Variants in ANK2 observed in about 807,000 individuals in gnomAD.
ANK2 encodes the protein ankyrin-2.
ANK2 carries 83 observed loss-of-function variants against 360.5 expected under a neutral mutation model. That is an observed-to-expected ratio of 0.23 (90% CI 0.19 to 0.28). The LOEUF (loss-of-function observed/expected upper bound fraction) is 0.28, where lower values mean the gene tolerates loss of function less well. Ranked by LOEUF, ANK2 falls within the 10% of genes least tolerant of loss-of-function variation. The pLI, the probability that ANK2 is intolerant of heterozygous loss-of-function variation, is 1.00. For synonymous variants in ANK2, 1,740 were observed against 1,759.5 expected, an observed-to-expected ratio of 0.99 and a Z score of 0.28; for missense variants, 4,201 against 4,795.7, an observed-to-expected ratio of 0.88 and a Z score of 3.66.
At chr4:113,145,714 G>C (rs2096802623) in intron 1 of ANK2, 17 of 1,142,850 alleles carry the variant, frequency 1.5e-5, no homozygotes, top group Non-Finnish European at 1.7e-5. Context: ...CCAGCTAGCA[G>C]ATGGGGAGAA....
At chr4:113,367,493 T>C (rs537804080) in intron 41 of ANK2, 73 bp from the exon 42 acceptor site, 35 of 1,383,750 alleles carry the variant, frequency 2.5e-5, no homozygotes, top group Non-Finnish European at 3.6e-5. Flanking sequence ...TATCCTCTTA[T>C]ATTTATTACT....
chr4:112,982,212 T>A (rs1176544215), intron 2 of ANK2, among the ~76,000 whole-genome samples: 1 of 152,186 alleles, frequency 6.6e-6, no homozygotes, highest in Non-Finnish European at 1.5e-5. Flanking sequence ...AAATCTTATT[T>A]TATTTTACTT....
chr4:113,323,851 G>T lies in ANK2; in HGVS notation c.2900+5231G>T, dbSNP rs548844067. On this transcript the variant is annotated intron_variant, in intron 26 of 45. Transcript: ENST00000357077. Reference sequence around the variant, plus strand: ...TGTTGCCTATTCCTCTCCCCCTTTCGCCATCTCCTTCTGCATATTCCTTGC... The same window carrying T: ...TGTTGCCTATTCCTCTCCCCCTTTCTCCATCTCCTTCTGCATATTCCTTGC... The T allele has an allele frequency of 2.6e-6, 4 of 1,523,596 alleles. No homozygotes were observed. In the South Asian group the frequency reaches 3.6e-5, roughly 14 times the overall value. The allele number at this position is 1,523,596 out of a possible 1,614,324, so 94.4% of individuals were successfully genotyped here. A position where few individuals can be genotyped will look rare whatever the true frequency, so the allele number is the denominator to read the frequency against.
At position 113,373,374 on chromosome 4, in the gene ANK2, C is replaced by A; in HGVS notation, c.11784C>A (p.Val3928=). ...IMVQGMPQEP[V]NIEEGDGYSK... is the part of the protein sequence containing the mutation. ...TGCAGGGAATGCCACAGGAACCTGTCAACATCGAGGAAGGGGATGGCTATT... is the reference window on the plus strand; with the variant it reads ...TGCAGGGAATGCCACAGGAACCTGTAAACATCGAGGAAGGGGATGGCTATT... The change falls in exon 45 of 46, where the codon GTC becomes GTA. Residue 3928 remains valine (V), a synonymous_variant. Coordinates refer to ENST00000357077, the MANE Select transcript of ANK2 (RefSeq NM_001148.6). 1 of 1,614,160 alleles carries A rather than the reference C, an allele frequency of 6.2e-7. No homozygotes were observed. The highest frequency in any genetic ancestry group is 8.5e-7 in the Non-Finnish European group (1 of 1,180,010).
chr4:113,339,978 C>T (rs1044373609), intron 32 of ANK2, among the ~76,000 whole-genome samples: 8 of 152,156 alleles, frequency 5.3e-5, no homozygotes, highest in South Asian at 2.1e-4. Context: ...GTAATTAAAA[C>T]GTACATTTCT....
Position 112,829,491 on chromosome 4 carries a change from C to CAAAAAAAAAAAAAAAAAAAAAAAAAA in ANK2, c.-40+11246_-40+11247insAAAAAAAAAAAAAAAAAAAAAAAAAA, listed in dbSNP as rs60272903. Reference sequence around the variant, plus strand: ...GCAACATAGTATGAGCCCATCTCTACAAAAAAAAAAAAAAAAAAAGGAAGG... The same window carrying CAAAAAAAAAAAAAAAAAAAAAAAAAA: ...GCAACATAGTATGAGCCCATCTCTACAAAAAAAAAAAAAAAAAAAAAAAAAAAAAAAAAAAAAAAAAAAAAGGAAGG... On this transcript the variant is annotated intron_variant, in intron 1 of 30. Coordinates refer to the ANK2 transcript ENST00000503271. Among the ~76,000 whole-genome samples the CAAAAAAAAAAAAAAAAAAAAAAAAAA allele has an allele frequency of 1.6e-3, 95 of 60,702 alleles. 6 individuals carry two copies. The highest frequency in any genetic ancestry group is 2.6e-3 in the East Asian group (8 of 3,064). The allele number at this position is 60,702 out of a possible 152,430, so 39.8% of individuals were successfully genotyped here. A position where few individuals can be genotyped will look rare whatever the true frequency, so the allele number is the denominator to read the frequency against.
the ANK2 span, among the ~76,000 whole-genome samples, chr4:112,756,753 C>G: frequency 6.6e-6 from 1 of 151,982 alleles, no homozygotes; most frequent in Non-Finnish European, 1.5e-5. Context: ...CGGGTGGATC[C>G]CCTGAGGTCA....
chr4:112,906,201 G>A (rs1219938376), intron 2 of ANK2, among the ~76,000 whole-genome samples: 1 of 152,088 alleles, frequency 6.6e-6, no homozygotes, highest in Non-Finnish European at 1.5e-5. Flanking sequence ...TTGGTAGGGA[G>A]TGTCAAATGT....
Position 113,381,527 on chromosome 4 carries a change from T to C in ANK2, c.*56T>C. ...GGACCAGCATGGAAAACGCATTGAC[T>C]TGGAGCACCTGGAGGATGTACCAGA... On this transcript the variant is annotated 3_prime_UTR_variant, in exon 46 of 46. Coordinates refer to ENST00000357077, the MANE Select transcript of ANK2 (RefSeq NM_001148.6). The C allele has an allele frequency of 6.2e-7, 1 of 1,613,796 alleles. No homozygotes were observed. The highest frequency in any genetic ancestry group is 8.5e-7 in the Non-Finnish European group (1 of 1,179,860).
chr4:113,220,549 A>G (rs2099138860), intron 4 of ANK2, among the ~76,000 whole-genome samples: 3 of 152,190 alleles, frequency 2.0e-5, no homozygotes. Context: ...GATTTTTAAA[A>G]TATTCATTTG....
rs189325771 is a variant in ANK2 at position 112,866,407 on chromosome 4, G to A, written c.-39-38048G>A. On this transcript the variant is annotated intron_variant, in intron 1 of 30. Coordinates refer to the ANK2 transcript ENST00000503271. ...TATAATGACAATAAAGTGAGTGAGT[G>A]ACTAAACCCACACTATGTAATAAAA... Among the ~76,000 whole-genome samples, 203 of 152,266 alleles carry A rather than the reference G, an allele frequency of 1.3e-3. 1 individual carries two copies. The highest frequency in any genetic ancestry group is 1.6e-3 in the Non-Finnish European group (106 of 67,998).
intron 15 of ANK2, among the ~76,000 whole-genome samples, chr4:113,275,661 T>C (rs946524068): frequency 6.6e-6 from 1 of 151,578 alleles, no homozygotes; most frequent in African/African-American, 2.4e-5. Context: ...ATATAAGAAA[T>C]TGACAATTAT....
At chr4:112,828,075 A>C (rs1379443362) in intron 1 of ANK2, among the ~76,000 whole-genome samples, 1 of 152,068 alleles carries the variant, frequency 6.6e-6, no homozygotes, top group Non-Finnish European at 1.5e-5. Context: ...ACCTACAACC[A>C]TCTGATCTTC....
At position 113,355,076 on chromosome 4, in the gene ANK2, T is replaced by C; in HGVS notation, c.6458T>C (p.Phe2153Ser). Reference sequence around the variant, plus strand: ...GAAGACAATGACAAATACCAACAATTCCGCCTGAGTGAGGAGACAGAAAAG... The same window carrying C: ...GAAGACAATGACAAATACCAACAATCCCGCCTGAGTGAGGAGACAGAAAAG... The part of the protein sequence containing the change: ...ELEDNDKYQQ[F>S]RLSEETEKAQ... Residue 2153 changes from phenylalanine (F) to serine (S), a missense_variant, in exon 38 of 46, where the codon TTC becomes TCC. This residue lies in a region of ANK2 where 2,642 missense variants were observed against 2,714.5 expected (regional missense o/e 0.97). Coordinates refer to ENST00000357077, the MANE Select transcript of ANK2 (RefSeq NM_001148.6). 5 of 1,614,044 alleles carry C rather than the reference T, an allele frequency of 3.1e-6. No individual in the cohort carries two copies. The highest frequency in any genetic ancestry group is 2.5e-6 in the Non-Finnish European group (3 of 1,179,976).
chr4:113,330,180 T>C, intron 26 of ANK2, 66 bp from the exon 27 acceptor site: 1 of 1,474,722 alleles, frequency 6.8e-7, no homozygotes, highest in Admixed American at 1.9e-5. Flanking sequence ...AAAAACAACT[T>C]GACAAAGCTT....
chr4:113,079,177 T>G (rs148972669), intron 1 of ANK2, among the ~76,000 whole-genome samples: 100 of 152,342 alleles, frequency 6.6e-4, no homozygotes, highest in African/African-American at 2.4e-3. Flanking sequence ...GTTTGTACCT[T>G]TTCAGTATAG....
intron 1 of ANK2, among the ~76,000 whole-genome samples, chr4:113,140,300 A>G (rs1417094840): frequency 2.6e-5 from 4 of 152,070 alleles, no homozygotes; most frequent in Non-Finnish European, 4.4e-5. Context: ...ATTTAATTAG[A>G]TAAACGCATT....
chr4:112,890,414 C>T (rs528314235), intron 1 of ANK2, among the ~76,000 whole-genome samples: 64 of 152,068 alleles, frequency 4.2e-4, no homozygotes, highest in Middle Eastern at 3.2e-3. Context: ...CCACCTACAA[C>T]GATCAGATAT....
At chr4:112,904,491 C>G in exon 2 of ANK2, 1 of 1,506,422 alleles carries the variant, frequency 6.6e-7, no homozygotes, top group East Asian at 2.5e-5. Flanking sequence ...ATTGGTATTT[C>G]AAATGACCAC....
Sources: allele counts gnomAD v4.1 joint callset (sites outside exome capture counted in the v4.1 genomes callset), GRCh38; gene constraint gnomAD v4.1.1; regional missense constraint gnomAD v4.1.1; transcripts MANE v1.5; gene names NCBI Gene and HGNC (gene_info 2026-07-23, HGNC 2026-07-21).